TRMT11: variants seen among roughly 807,000 people sequenced by gnomAD.
The protein encoded by TRMT11 is tRNA methyltransferase 11.
Under a neutral mutation model 62.8 loss-of-function variants are expected in TRMT11, and 53 were observed. The ratio of observed to expected loss-of-function variants is 0.84; its 90% CI spans 0.68 to 1.06. The LOEUF is 1.06. Among genes scored for constraint, TRMT11 ranks in the 50% least tolerant of loss-of-function variants. The pLI, the probability that TRMT11 is intolerant of heterozygous loss-of-function variation, is 0.00. For synonymous variants in TRMT11, 188 were observed against 190.3 expected (o/e 0.99, Z 0.10); for missense variants, 556 against 553.4 (o/e 1.00, Z -0.05).
At chr6:126,151,799 C>G (rs1317467902) in intron 21 of TRMT11, among the ~76,000 whole-genome samples, 3 of 71,302 alleles carry the variant, frequency 4.2e-5, no homozygotes, top group Middle Eastern at 8.9e-3. Flanking sequence ...CTTCCTTCCT[C>G]TCTGTCTTTT....
chr6:126,128,724 T>C (rs1294223446), intron 21 of TRMT11, among the ~76,000 whole-genome samples: 1 of 152,092 alleles, frequency 6.6e-6, no homozygotes, highest in Non-Finnish European at 1.5e-5. Flanking sequence ...CACCTTCACT[T>C]ATGCACTACA....
chr6:126,044,574 A>T (rs929745284), intron 16 of TRMT11, among the ~76,000 whole-genome samples: 1 of 152,178 alleles, frequency 6.6e-6, no homozygotes, highest in African/African-American at 2.4e-5. Context: ...AGAAAGGCAC[A>T]GACTTCTTGT....
At chr6:126,141,201 T>C (rs910752403) in intron 21 of TRMT11, among the ~76,000 whole-genome samples, 6 of 152,106 alleles carry the variant, frequency 3.9e-5, no homozygotes, top group African/African-American at 1.4e-4. Context: ...CTAATCATCT[T>C]AATTAATTAG....
At chr6:126,202,155 A>G (rs1778740466) in exon 4 of TRMT11, 2 of 152,184 alleles carry the variant, frequency 1.3e-5, no homozygotes, top group African/African-American at 4.8e-5. Flanking sequence ...TACATAATGC[A>G]GTGTCTGGTA....
intron 12 of TRMT11, among the ~76,000 whole-genome samples, chr6:126,023,534 G>A (rs1053100374): frequency 1.3e-5 from 2 of 152,198 alleles, no homozygotes; most frequent in Non-Finnish European, 2.9e-5. Flanking sequence ...TGTAGTCCCA[G>A]TGACTTGGGG....
intron 7 of TRMT11, among the ~76,000 whole-genome samples, chr6:126,007,300 A>G (rs776124262): frequency 1.6e-4 from 25 of 152,020 alleles, no homozygotes; most frequent in Non-Finnish European, 3.1e-4. Flanking sequence ...AAGGAACATC[A>G]TTAATTTATG....
chr6:126,020,865 G>C (rs1795714457), intron 11 of TRMT11, among the ~76,000 whole-genome samples: 2 of 152,222 alleles, frequency 1.3e-5, no homozygotes, highest in South Asian at 4.2e-4. Context: ...AATTCTGTAG[G>C]GTGGAATCAT....
At chr6:126,111,813 A>G (rs1777535512) in intron 17 of TRMT11, among the ~76,000 whole-genome samples, 1 of 151,700 alleles carries the variant, frequency 6.6e-6, no homozygotes, top group Admixed American at 6.6e-5. Flanking sequence ...ATAACTTCCC[A>G]CTTACATGAA....
At chr6:126,093,829 C>T (rs1777310502) in intron 17 of TRMT11, among the ~76,000 whole-genome samples, 1 of 151,344 alleles carries the variant, frequency 6.6e-6, no homozygotes, top group Non-Finnish European at 1.5e-5. Context: ...TTAGCAACTT[C>T]ATAGGGAATA....
At chr6:126,166,083 A>T (rs777345370) in intron 21 of TRMT11, among the ~76,000 whole-genome samples, 1 of 151,874 alleles carries the variant, frequency 6.6e-6, no homozygotes, top group Admixed American at 6.6e-5. Context: ...TTGGCTATTC[A>T]TACTTGTGTA....
chr6:126,031,155 GTAAA>G (rs1282496191), intron 12 of TRMT11, among the ~76,000 whole-genome samples: 3 of 152,084 alleles, frequency 2.0e-5, no homozygotes, highest in East Asian at 1.9e-4. Flanking sequence ...TTTTTGCTGA[GTAAA>G]TAAGCAGATA....
the TRMT11 span, among the ~76,000 whole-genome samples, chr6:126,246,986 A>C: frequency 6.6e-6 from 1 of 152,202 alleles, no homozygotes; most frequent in African/African-American, 2.4e-5. Context: ...GGTAGAAGTC[A>C]TGCTGCCTGA....
chr6:126,082,181 A>G (rs991335149), intron 17 of TRMT11, among the ~76,000 whole-genome samples: 1 of 152,090 alleles, frequency 6.6e-6, no homozygotes, highest in Non-Finnish European at 1.5e-5. Flanking sequence ...ACGGTCTTGC[A>G]TATTATGCCG....
At chr6:126,085,158 A>C (rs568652183) in intron 17 of TRMT11, among the ~76,000 whole-genome samples, 3 of 152,310 alleles carry the variant, frequency 2.0e-5, no homozygotes, top group Admixed American at 2.0e-4. Flanking sequence ...ATCATTTCCC[A>C]GTGTACACAA....
the TRMT11 span, among the ~76,000 whole-genome samples, chr6:126,223,423 A>AAAAACAAAACAAAAC: frequency 0.023 from 3,428 of 148,934 alleles, 129 homozygotes; most frequent in African/African-American, 0.081. Context: ...TCCGTCTCGA[A>AAAAACAAAACAAAAC]AAAACAAAAC....
intron 17 of TRMT11, among the ~76,000 whole-genome samples, chr6:126,061,261 G>A (rs141165954): frequency 3.2e-4 from 48 of 152,308 alleles, no homozygotes; most frequent in African/African-American, 1.1e-3. Context: ...GGTGATTTCT[G>A]TGGATGTTAC....
chr6:126,121,190 C>T (rs2088322670), intron 21 of TRMT11, among the ~76,000 whole-genome samples: 1 of 152,084 alleles, frequency 6.6e-6, no homozygotes, highest in South Asian at 2.1e-4. Flanking sequence ...ACTTTGTATT[C>T]CCCATGTCTT....
chr6:126,061,813 C>T (rs574707790), intron 17 of TRMT11, among the ~76,000 whole-genome samples: 7 of 152,284 alleles, frequency 4.6e-5, no homozygotes, highest in African/African-American at 1.7e-4. Context: ...CTGCCTCAAT[C>T]CCAGAGCTTC....
chr6:126,063,756 T>G (rs1358103302), intron 17 of TRMT11, among the ~76,000 whole-genome samples: 1 of 152,226 alleles, frequency 6.6e-6, no homozygotes, highest in African/African-American at 2.4e-5. Flanking sequence ...CTAATGACTT[T>G]GTAAATCACT....
Sources: allele counts gnomAD v4.1 joint callset (sites outside exome capture counted in the v4.1 genomes callset), GRCh38; gene constraint gnomAD v4.1.1; transcripts MANE v1.5; gene names NCBI Gene and HGNC (gene_info 2026-07-23, HGNC 2026-07-21).